Variants in NTRK3 observed in about 807,000 individuals in gnomAD.
NTRK3 encodes the protein neurotrophic receptor tyrosine kinase 3, also known as NT-3 growth factor receptor.
A neutral mutation model predicts 91.7 loss-of-function variants in NTRK3; 24 were observed. The observed-to-expected ratio is 0.26, with a 90% CI of 0.19 to 0.37. The LOEUF (loss-of-function observed/expected upper bound fraction) is 0.37. Ranked by LOEUF, NTRK3 falls within the 10% of genes least tolerant of loss-of-function variation. NTRK3 has a pLI of 1.00. For synonymous variants in NTRK3, 483 were observed against 404.0 expected, an observed-to-expected ratio of 1.20 and a Z score of -2.34; for missense variants, 880 against 1,068.9, an observed-to-expected ratio of 0.82 and a Z score of 2.46.
exon 19 of NTRK3, chr15:87,877,095 C>T (rs370533197): frequency 5.6e-5 from 91 of 1,613,962 alleles, no homozygotes; most frequent in Non-Finnish European, 7.5e-5. Context: ...CTCCAAAACA[C>T]GACCTTGGGT....
intron 14 of NTRK3, among the ~76,000 whole-genome samples, chr15:87,960,817 C>T (rs989218333): frequency 1.3e-5 from 2 of 152,104 alleles, no homozygotes; most frequent in Admixed American, 6.5e-5. Flanking sequence ...TTCCTTGACC[C>T]GTCCTCCCCT....
In NTRK3 at chr15:87,885,748, A is replaced by G; in HGVS notation, c.2134-5320T>C. The G allele has an allele frequency of 8.3e-7, 1 of 1,204,896 alleles. No individual in the cohort carries two copies. Among genetic ancestry groups the G allele is most frequent in the Non-Finnish European group, 1.1e-6 (1 of 908,194 alleles). 74.6% of individuals were successfully genotyped at this position (1,204,896 alleles called of 1,614,324 possible). ...ATGGATTAAAGAGCTAAACATAAAA[A>G]ACAAAACAATAATAATATTAGAAGA... On this transcript the variant is annotated intron_variant, in intron 17 of 18. Coordinates refer to ENST00000394480, the Ensembl canonical transcript of NTRK3.
intron 14 of NTRK3, among the ~76,000 whole-genome samples, chr15:88,018,025 C>A (rs61620348): frequency 6.6e-6 from 1 of 152,304 alleles, no homozygotes; most frequent in East Asian, 1.9e-4. Context: ...CAGCCACAAT[C>A]TGGGTGACAA....
chr15:87,950,000 T>A (rs1365345245), intron 14 of NTRK3, among the ~76,000 whole-genome samples: 1 of 152,126 alleles, frequency 6.6e-6, no homozygotes, highest in Non-Finnish European at 1.5e-5. Flanking sequence ...GAGGGTCACA[T>A]CCCACCTCTC....
At chr15:88,005,765 C>T (rs2076443446) in intron 14 of NTRK3, among the ~76,000 whole-genome samples, 1 of 152,222 alleles carries the variant, frequency 6.6e-6, no homozygotes, top group Non-Finnish European at 1.5e-5. Flanking sequence ...CCAACAACTA[C>T]ACAGTCTACA....
chr15:88,126,376 G>C lies in NTRK3; in HGVS notation c.1294-3C>G, dbSNP rs2151108761. 6.2e-7 allele frequency: 1 copy of C among 1,603,800 alleles called. No individual in the cohort carries two copies. Among genetic ancestry groups the C allele is most frequent in the Non-Finnish European group, 8.5e-7 (1 of 1,170,828 alleles). On this transcript the variant is annotated splice_polypyrimidine_tract_variant and splice_region_variant and intron_variant, in intron 12 of 18. Coordinates refer to ENST00000394480, the Ensembl canonical transcript of NTRK3. ...GCAAGTCCAACTGCTATGGATACCT[G>C]TGAGGAACCAGAAACAGAGAGTCAG...
At chr15:88,232,006 G>A (rs2051231957) in intron 3 of NTRK3, among the ~76,000 whole-genome samples, 1 of 152,158 alleles carries the variant, frequency 6.6e-6, no homozygotes, top group South Asian at 2.1e-4. Context: ...ATAAGGTACA[G>A]ATGCCTCAGC....
At chr15:87,943,471 C>A (rs2070109441) in intron 14 of NTRK3, among the ~76,000 whole-genome samples, 1 of 152,114 alleles carries the variant, frequency 6.6e-6, no homozygotes, top group Non-Finnish European at 1.5e-5. Flanking sequence ...TTCTTATGTT[C>A]TAGAAACATC....
intron 3 of NTRK3, among the ~76,000 whole-genome samples, chr15:88,251,282 C>T (rs1567720496): frequency 6.6e-6 from 1 of 152,230 alleles, no homozygotes. Context: ...AGGAGATGCC[C>T]TTAAAAGTGG....
At chr15:88,201,450 C>T (rs372898725) in intron 3 of NTRK3, among the ~76,000 whole-genome samples, 1 of 152,168 alleles carries the variant, frequency 6.6e-6, no homozygotes, top group African/African-American at 2.4e-5. Flanking sequence ...TAGGCCAGCA[C>T]AGGACTTGCA....
intron 14 of NTRK3, among the ~76,000 whole-genome samples, chr15:88,002,482 A>C (rs79071077): frequency 1.3e-5 from 2 of 152,104 alleles, no homozygotes; most frequent in Non-Finnish European, 2.9e-5. Context: ...GCCCTTCCCC[A>C]ATTAATATAT....
At chr15:87,998,064 TG>T (rs999660262) in intron 14 of NTRK3, among the ~76,000 whole-genome samples, 1 of 152,226 alleles carries the variant, frequency 6.6e-6, no homozygotes, top group Non-Finnish European at 1.5e-5. Flanking sequence ...TTCTTGGTTT[TG>T]GGGGGCTGTC....
intron 3 of NTRK3, among the ~76,000 whole-genome samples, chr15:88,230,665 G>C (rs1301332831): frequency 2.0e-5 from 3 of 152,088 alleles, no homozygotes; most frequent in African/African-American, 7.2e-5. Flanking sequence ...CCTGTTCTGG[G>C]ATACAGAGGC....
chr15:87,952,616 C>T (rs1021287702), intron 14 of NTRK3, among the ~76,000 whole-genome samples: 10 of 152,216 alleles, frequency 6.6e-5, no homozygotes, highest in African/African-American at 1.9e-4. Context: ...CGCCGGCTCA[C>T]CCTGTGCGCA....
intron 10 of NTRK3, among the ~76,000 whole-genome samples, chr15:88,133,246 G>A (rs1437112960): frequency 1.3e-5 from 2 of 152,140 alleles, no homozygotes; most frequent in Non-Finnish European, 2.9e-5. Context: ...GCATCTCGTG[G>A]GGGCAGAGGA....
intron 14 of NTRK3, among the ~76,000 whole-genome samples, chr15:87,996,693 C>A (rs1278705670): frequency 6.6e-6 from 1 of 152,198 alleles, no homozygotes; most frequent in Non-Finnish European, 1.5e-5. Context: ...TTTATTTCAT[C>A]AGACCTGAGG....
At chr15:88,254,611 C>A (rs1236512203) in intron 3 of NTRK3, among the ~76,000 whole-genome samples, 1 of 152,208 alleles carries the variant, frequency 6.6e-6, no homozygotes, top group Non-Finnish European at 1.5e-5. Context: ...TTCCTCCAGG[C>A]TTTGCAGCCC....
chr15:88,003,048 A>G (rs2076230579), intron 14 of NTRK3, among the ~76,000 whole-genome samples: 2 of 152,250 alleles, frequency 1.3e-5, no homozygotes, highest in African/African-American at 2.4e-5. Flanking sequence ...CCCAATAATC[A>G]CAGAGCAAAG....
At chr15:87,917,963 C>T (rs1158630304) in intron 17 of NTRK3, among the ~76,000 whole-genome samples, 1 of 151,822 alleles carries the variant, frequency 6.6e-6, no homozygotes, top group South Asian at 2.1e-4. Flanking sequence ...TGGATGAAGA[C>T]ACATCCTGAC....
Sources: allele counts gnomAD v4.1 joint callset (sites outside exome capture counted in the v4.1 genomes callset), GRCh38; gene constraint gnomAD v4.1.1; transcripts MANE v1.5; gene names NCBI Gene and HGNC (gene_info 2026-07-23, HGNC 2026-07-21).